ARHGEF33: variants seen among roughly 807,000 people sequenced by gnomAD.
ARHGEF33 encodes Rho guanine nucleotide exchange factor 33.
ARHGEF33 carries 72 observed loss-of-function variants against 101.9 expected under a neutral mutation model. The observed-to-expected ratio is 0.71, with a 90% CI of 0.58 to 0.86. ARHGEF33 has a LOEUF of 0.86. ARHGEF33 is among the 40% of genes least tolerant of loss of function. ARHGEF33 has a pLI of 0.00. For missense variants in ARHGEF33, 1,169 were observed against 1,111.3 expected, an observed-to-expected ratio of 1.05 and a Z score of -0.74; for synonymous variants, 499 against 442.5, an observed-to-expected ratio of 1.13 and a Z score of -1.60.
intron 2 of ARHGEF33, among the ~76,000 whole-genome samples, chr2:38,911,653 T>C (rs1411838178): frequency 6.6e-6 from 1 of 152,252 alleles, no homozygotes; most frequent in Non-Finnish European, 1.5e-5. Context: ...TTCAACATTC[T>C]TATTTCTCTA....
intron 7 of ARHGEF33, among the ~76,000 whole-genome samples, chr2:38,933,240 T>C (rs1217944821): frequency 6.6e-6 from 1 of 152,184 alleles, no homozygotes; most frequent in Non-Finnish European, 1.5e-5. Flanking sequence ...ACCAAGCTTA[T>C]CACCTGGTTA....
intron 17 of ARHGEF33, among the ~76,000 whole-genome samples, chr2:38,968,745 G>T (rs1194137352): frequency 1.3e-5 from 2 of 152,226 alleles, no homozygotes; most frequent in African/African-American, 4.8e-5. Context: ...GGAAGTAAAG[G>T]TGGAGCCACA....
In ARHGEF33 at chr2:38,933,423, G is replaced by A. The variant is rs186427834; in HGVS notation, c.505+2172G>A. On this transcript the variant is annotated intron_variant, in intron 7 of 17. Transcript: ENST00000409978. ...TTTGAAACAGAGTTTTGCTCTTGCCGCCCAGGCTGGAGTACAATGGCGCGA... is the reference window on the plus strand; with the variant it reads ...TTTGAAACAGAGTTTTGCTCTTGCCACCCAGGCTGGAGTACAATGGCGCGA... 2.1e-3 allele frequency among the ~76,000 whole-genome samples: 315 copies of A among 151,540 alleles called. 1 individual carries two copies. Among genetic ancestry groups the A allele is most frequent in the African/African-American group, 7.1e-3 (295 of 41,264 alleles).
intron 10 of ARHGEF33, among the ~76,000 whole-genome samples, chr2:38,948,607 G>A (rs774436198): frequency 1.3e-5 from 2 of 151,968 alleles, no homozygotes; most frequent in African/African-American, 2.4e-5. Flanking sequence ...AGGGAGGAAG[G>A]GGAATGAAGG....
At chr2:38,936,868 T>A (rs1489736015) in intron 8 of ARHGEF33, 9 of 150,384 alleles carry the variant, frequency 6.0e-5, no homozygotes, top group African/African-American at 2.2e-4. Flanking sequence ...CCCAGCTCCT[T>A]GGGAGACTGA....
chr2:38,942,605 C>T (rs1318001889), intron 9 of ARHGEF33, among the ~76,000 whole-genome samples: 1 of 151,688 alleles, frequency 6.6e-6, no homozygotes, highest in African/African-American at 2.4e-5. Context: ...TAGCATCCTG[C>T]AATTGTTAAA....
Position 38,930,908 on chromosome 2 carries a change from T to A in ARHGEF33, c.363-201T>A, listed in dbSNP as rs1389740224. ...AGGGTGATTTGTAAATATTTGAAGT[T>A]TTTTCTCCAGCTGAGGTAATGAATT... is the stretch of plus-strand genomic sequence containing the variant. On this transcript the variant is annotated intron_variant, in intron 6 of 17. Coordinates refer to ENST00000409978, the MANE Select transcript of ARHGEF33 (RefSeq NM_001145451.5). 3.9e-5 allele frequency among the ~76,000 whole-genome samples: 6 copies of A among 152,184 alleles called. No individual in the cohort carries two copies. The East Asian group carries it at 1.2e-3, about 29-fold the overall frequency.
At chr2:38,925,145 G>A (rs1465349502) in intron 4 of ARHGEF33, among the ~76,000 whole-genome samples, 1 of 152,126 alleles carries the variant, frequency 6.6e-6, no homozygotes, top group Non-Finnish European at 1.5e-5. Context: ...GCATTTATAT[G>A]CATAGAACAA....
chr2:38,914,664 CAAA>C (rs199737558), intron 2 of ARHGEF33, among the ~76,000 whole-genome samples: 22 of 95,892 alleles, frequency 2.3e-4, no homozygotes, highest in Admixed American at 3.3e-4. Context: ...GACTCCATCT[CAAA>C]AAAAAAAAAA....
intron 17 of ARHGEF33, among the ~76,000 whole-genome samples, chr2:38,966,478 T>A (rs1212313314): frequency 6.6e-6 from 1 of 151,416 alleles, no homozygotes; most frequent in Non-Finnish European, 1.5e-5. Flanking sequence ...CTGGGAGGAG[T>A]GGGATCCACT....
intron 2 of ARHGEF33, among the ~76,000 whole-genome samples, chr2:38,900,161 G>A (rs186439010): frequency 2.6e-4 from 40 of 152,214 alleles, no homozygotes; most frequent in African/African-American, 9.4e-4. Context: ...CACCGCATTC[G>A]CTCCAGCTTG....
At chr2:38,965,579 CT>C (rs1159693407) in intron 16 of ARHGEF33, among the ~76,000 whole-genome samples, 1 of 152,154 alleles carries the variant, frequency 6.6e-6, no homozygotes, top group African/African-American at 2.4e-5. Context: ...AAGGAACATC[CT>C]TATTTTGTAG....
At chr2:38,947,449 G>T (rs965936442) in intron 10 of ARHGEF33, among the ~76,000 whole-genome samples, 1 of 152,150 alleles carries the variant, frequency 6.6e-6, no homozygotes, top group Non-Finnish European at 1.5e-5. Context: ...GGGTGCAGCG[G>T]CCCAGTCACA....
intron 3 of ARHGEF33, among the ~76,000 whole-genome samples, chr2:38,921,050 A>T (rs756109482): frequency 4.6e-5 from 7 of 152,212 alleles, no homozygotes; most frequent in Admixed American, 1.3e-4. Flanking sequence ...CCTCAAGAAC[A>T]TAAGGGAGAC....
intron 2 of ARHGEF33, among the ~76,000 whole-genome samples, chr2:38,896,917 T>C (rs1166070229): frequency 6.6e-6 from 1 of 152,134 alleles, no homozygotes; most frequent in Non-Finnish European, 1.5e-5. Flanking sequence ...GGCATACTTT[T>C]CTTTTTTTCT....
At chr2:38,931,080 A>G (rs1666988527) in intron 6 of ARHGEF33, 29 bp from the exon 7 acceptor site, 1 of 1,527,854 alleles carries the variant, frequency 6.5e-7, no homozygotes, top group South Asian at 1.3e-5. Context: ...AAGAACCAGA[A>G]TAGCCTTGTC....
Position 38,960,044 on chromosome 2 carries a change from T to G in ARHGEF33, c.1739T>G (p.Phe580Cys), listed in dbSNP as rs1667875187. 1 of 1,544,034 alleles carries G rather than the reference T, an allele frequency of 6.5e-7. No homozygotes were observed. Among genetic ancestry groups the G allele is most frequent in the Non-Finnish European group, 8.7e-7 (1 of 1,143,198 alleles). Reference protein sequence around the residue: ...GPLQAIPEMDFESSPAEPLGN... With the variant: ...GPLQAIPEMDCESSPAEPLGN... ...CTGCAGGCCATCCCGGAGATGGACTTCGAGTCCTCTCCGGCGGAGCCGCTG... is the reference window on the plus strand; with the variant it reads ...CTGCAGGCCATCCCGGAGATGGACTGCGAGTCCTCTCCGGCGGAGCCGCTG... Residue 580 changes from phenylalanine to cysteine, a missense_variant, in exon 16 of 18, where the codon TTC becomes TGC. Phe to Cys is a radical substitution (Grantham distance 205). Coordinates refer to ENST00000409978, the MANE Select transcript of ARHGEF33 (RefSeq NM_001145451.5).
Position 38,917,102 on chromosome 2 carries a change from C to CTTTTTTT in ARHGEF33, c.-85-2260_-85-2254dup, listed in dbSNP as rs371044814. On this transcript the variant is annotated intron_variant, in intron 2 of 17. Coordinates refer to ENST00000409978, the MANE Select transcript of ARHGEF33 (RefSeq NM_001145451.5). ...GGTGTGAGCCACTGCAACCGGTCTT[C>CTTTTTTT]TTTTTTTGAGACGGAGTCTCACTAC... Among the ~76,000 whole-genome samples the CTTTTTTT allele has an allele frequency of 7.7e-5, 10 of 129,326 alleles. 1 individual carries two copies. The highest frequency in any genetic ancestry group is 7.0e-4 in the East Asian group (3 of 4,314). The allele number at this position is 129,326 out of a possible 152,430, so 84.8% of individuals were successfully genotyped here. A position where few individuals can be genotyped will look rare whatever the true frequency, so the allele number is the denominator to read the frequency against.
chr2:38,974,562 T>A lies in ARHGEF33; in HGVS notation c.*719T>A, dbSNP rs1668235485. On this transcript the variant is annotated 3_prime_UTR_variant, in exon 18 of 18. Coordinates refer to ENST00000409978, the MANE Select transcript of ARHGEF33 (RefSeq NM_001145451.5). ...AGGCAAAGAAACATTTTCCCTTGTGTGGGTTGAGCTGAGGATGGAAACAGT... is the reference window on the plus strand; with the variant it reads ...AGGCAAAGAAACATTTTCCCTTGTGAGGGTTGAGCTGAGGATGGAAACAGT... 1 of 152,182 alleles carries A rather than the reference T, an allele frequency of 6.6e-6. No homozygotes were observed. Among genetic ancestry groups the A allele is most frequent in the Admixed American group, 6.5e-5 (1 of 15,274 alleles). The allele number at this position is 152,182 out of a possible 1,614,324, so 9.4% of individuals were successfully genotyped here.
Sources: allele counts gnomAD v4.1 joint callset (sites outside exome capture counted in the v4.1 genomes callset), GRCh38; gene constraint gnomAD v4.1.1; transcripts MANE v1.5; gene names NCBI Gene and HGNC (gene_info 2026-07-23, HGNC 2026-07-21).